ARHGAP26: variants seen among roughly 807,000 people sequenced by gnomAD.
ARHGAP26 encodes the protein rho GTPase-activating protein 26.
A neutral mutation model predicts 104.8 loss-of-function variants in ARHGAP26; 38 were observed. The observed-to-expected ratio is 0.36, with a 90% CI of 0.28 to 0.48. The LOEUF (loss-of-function observed/expected upper bound fraction) is 0.48, where lower values mean the gene tolerates loss of function less well. Ranked by LOEUF, ARHGAP26 falls within the 20% of genes least tolerant of loss-of-function variation. The pLI is 0.99. For missense variants in ARHGAP26, 704 were observed against 947.9 expected (o/e 0.74, Z 3.38); for synonymous variants, 341 against 340.0 (o/e 1.00, Z -0.03).
At chr5:142,905,602 C>T (rs1269413997) in intron 8 of ARHGAP26, among the ~76,000 whole-genome samples, 1 of 152,180 alleles carries the variant, frequency 6.6e-6, no homozygotes, top group African/African-American at 2.4e-5. Context: ...CACACATACA[C>T]ACTTTTTTCT....
At chr5:142,960,463 G>A (rs371389553) in intron 11 of ARHGAP26, among the ~76,000 whole-genome samples, 4 of 152,290 alleles carry the variant, frequency 2.6e-5, no homozygotes, top group East Asian at 3.9e-4. Context: ...TGATGAAATC[G>A]CCCAGAGCGT....
At chr5:142,870,222 T>C (rs536478725) in intron 1 of ARHGAP26, among the ~76,000 whole-genome samples, 4 of 152,322 alleles carry the variant, frequency 2.6e-5, no homozygotes, top group South Asian at 2.1e-4. Context: ...TCTCCTCTTA[T>C]TGGAATGTGT....
intron 10 of ARHGAP26, among the ~76,000 whole-genome samples, chr5:142,922,925 G>T (rs1763394623): frequency 6.6e-6 from 1 of 152,176 alleles, no homozygotes; most frequent in African/African-American, 2.4e-5. Context: ...GCAGGAAATG[G>T]AGTTTTCCTT....
Position 142,851,386 on chromosome 5 carries a change from T to A in ARHGAP26, c.155-22014T>A, listed in dbSNP as rs527897790. Reference sequence around the variant, plus strand: ...TGCTGGGATTACAGGCGTGAGCCGCTGCGCCCAGCCGGAAAATACATTTTT... The same window carrying A: ...TGCTGGGATTACAGGCGTGAGCCGCAGCGCCCAGCCGGAAAATACATTTTT... On this transcript the variant is annotated intron_variant, in intron 1 of 22. Coordinates refer to ENST00000645722, the MANE Select transcript of ARHGAP26 (RefSeq NM_001135608.3). 2.0e-5 allele frequency among the ~76,000 whole-genome samples: 3 copies of A among 152,330 alleles called. No individual in the cohort carries two copies. The South Asian group carries it at 6.2e-4, about 32-fold the overall frequency.
chr5:143,088,986 C>T (rs1040064511), intron 17 of ARHGAP26, among the ~76,000 whole-genome samples: 8 of 151,658 alleles, frequency 5.3e-5, no homozygotes, highest in Admixed American at 3.3e-4. Flanking sequence ...AGTAGGTAAT[C>T]GGAATGAGTC....
intron 1 of ARHGAP26, among the ~76,000 whole-genome samples, chr5:142,797,834 A>G (rs1761292219): frequency 6.6e-6 from 1 of 152,202 alleles, no homozygotes; most frequent in Non-Finnish European, 1.5e-5. Flanking sequence ...TTCAAACTTT[A>G]ATGTGCATCC....
intron 12 of ARHGAP26, among the ~76,000 whole-genome samples, chr5:143,034,511 A>G (rs1782336494): frequency 6.6e-6 from 1 of 152,250 alleles, no homozygotes; most frequent in Admixed American, 6.5e-5. Context: ...CGCATCGTGT[A>G]TGATTCCCAT....
chr5:142,962,150 TTC>T (rs1770362769), intron 11 of ARHGAP26, among the ~76,000 whole-genome samples: 1 of 152,232 alleles, frequency 6.6e-6, no homozygotes, highest in African/African-American at 2.4e-5. Context: ...TACGCCTGTC[TTC>T]TACAGATTAT....
At chr5:143,010,864 T>G (rs1200128443) in intron 11 of ARHGAP26, 1 of 152,204 alleles carries the variant, frequency 6.6e-6, no homozygotes, top group Non-Finnish European at 1.5e-5. Context: ...TTCCCTTGGA[T>G]AGAATGTTTG....
intron 10 of ARHGAP26, among the ~76,000 whole-genome samples, chr5:142,926,779 TA>T (rs1763967254): frequency 1.3e-5 from 2 of 152,162 alleles, no homozygotes; most frequent in African/African-American, 4.8e-5. Flanking sequence ...CCTTTGAAAC[TA>T]TACACACCTG....
rs545190424 is a variant in ARHGAP26 at position 143,093,946 on chromosome 5, G to A, written c.1539-27042G>A. ...TACTCGCCTCTTTTTGAGGTTCAAC[G>A]CACCCCATGGGGATTTCTCACCTCT... On this transcript the variant is annotated intron_variant, in intron 17 of 22. Coordinates refer to ENST00000645722, the MANE Select transcript of ARHGAP26 (RefSeq NM_001135608.3). Among the ~76,000 whole-genome samples the A allele has an allele frequency of 8.6e-5, 13 of 152,014 alleles. No homozygotes were observed. In the South Asian group the frequency reaches 1.7e-3, roughly 19 times the overall value.
chr5:143,143,974 T>C (rs1443822898), intron 19 of ARHGAP26, among the ~76,000 whole-genome samples: 1 of 152,234 alleles, frequency 6.6e-6, no homozygotes, highest in Non-Finnish European at 1.5e-5. Flanking sequence ...CAAAGACAGA[T>C]TCCTGTTGAC....
At chr5:142,856,533 G>A (rs1381809001) in intron 1 of ARHGAP26, among the ~76,000 whole-genome samples, 1 of 152,142 alleles carries the variant, frequency 6.6e-6, no homozygotes, top group Admixed American at 6.5e-5. Context: ...AAGGAGGGAG[G>A]TGTATTAGCC....
intron 1 of ARHGAP26, among the ~76,000 whole-genome samples, chr5:142,823,665 G>C (rs1597786938): frequency 1.3e-5 from 2 of 152,158 alleles, no homozygotes; most frequent in East Asian, 3.8e-4. Flanking sequence ...GGTCTGGTTT[G>C]AAAAGTATTT....
At chr5:142,974,489 C>T (rs1201469878) in intron 11 of ARHGAP26, among the ~76,000 whole-genome samples, 1 of 152,140 alleles carries the variant, frequency 6.6e-6, no homozygotes, top group Non-Finnish European at 1.5e-5. Context: ...AATTCATATA[C>T]AAATATTGCT....
At chr5:143,198,839 G>GT (rs1001291934) in intron 20 of ARHGAP26, among the ~76,000 whole-genome samples, 1 of 152,186 alleles carries the variant, frequency 6.6e-6, no homozygotes, top group Non-Finnish European at 1.5e-5. Flanking sequence ...GATTCAGGGA[G>GT]TACATGTACA....
intron 19 of ARHGAP26, among the ~76,000 whole-genome samples, chr5:143,143,791 A>G (rs1798839053): frequency 6.6e-6 from 1 of 152,226 alleles, no homozygotes. Flanking sequence ...ATGGCCAGAC[A>G]GCATGTCCCT....
intron 17 of ARHGAP26, among the ~76,000 whole-genome samples, chr5:143,098,379 G>T (rs6869553): frequency 0.099 from 15,050 of 151,882 alleles, 1,433 homozygotes; most frequent in East Asian, 0.36. Context: ...GTTATATTTT[G>T]TACAAGTATG....
At chr5:143,108,776 T>C (rs761117392) in intron 17 of ARHGAP26, among the ~76,000 whole-genome samples, 7 of 152,238 alleles carry the variant, frequency 4.6e-5, no homozygotes, top group Non-Finnish European at 5.9e-5. Flanking sequence ...CTCTGTAACA[T>C]TTCCCATGAA....
Sources: allele counts gnomAD v4.1 joint callset (sites outside exome capture counted in the v4.1 genomes callset), GRCh38; gene constraint gnomAD v4.1.1; transcripts MANE v1.5; gene names NCBI Gene and HGNC (gene_info 2026-07-23, HGNC 2026-07-21).